The following SPIDR variants were observed in gnomAD, a reference collection of about 807,000 sequenced individuals.
SPIDR encodes scaffold protein involved in DNA repair.
A neutral mutation model predicts 104.6 loss-of-function variants in SPIDR; 93 were observed. The ratio of observed to expected loss-of-function variants is 0.89; its 90% CI spans 0.75 to 1.06. The LOEUF (loss-of-function observed/expected upper bound fraction) is 1.06, where lower values mean the gene tolerates loss of function less well. SPIDR is among the 50% of genes least tolerant of loss of function. The pLI is 0.00. For missense variants in SPIDR, 1,154 were observed against 1,111.2 expected, an observed-to-expected ratio of 1.04 and a Z score of -0.55; for synonymous variants, 431 against 416.9, an observed-to-expected ratio of 1.03 and a Z score of -0.41.
chr8:47,604,048 C>T (rs1253290336), intron 10 of SPIDR, among the ~76,000 whole-genome samples: 4 of 152,130 alleles, frequency 2.6e-5, no homozygotes, highest in African/African-American at 9.7e-5. Flanking sequence ...CTCTGTGCTC[C>T]TGGAGCATAG....
intron 19 of SPIDR, among the ~76,000 whole-genome samples, chr8:47,735,084 ATGGGTGTG>A (rs1173994552): frequency 1.3e-5 from 2 of 148,844 alleles, no homozygotes; most frequent in African/African-American, 2.5e-5. Flanking sequence ...GCTAAAATAA[ATGGGTGTG>A]TGGGTGTGTG....
chr8:47,508,870 C>T (rs1482300401), intron 8 of SPIDR, among the ~76,000 whole-genome samples: 1 of 152,132 alleles, frequency 6.6e-6, no homozygotes, highest in African/African-American at 2.4e-5. Flanking sequence ...AAAGTAGCTG[C>T]ACATCCTTTG....
intron 16 of SPIDR, among the ~76,000 whole-genome samples, chr8:47,720,023 T>TC (rs1229403334): frequency 1.3e-5 from 2 of 152,204 alleles, no homozygotes; most frequent in Admixed American, 6.5e-5. Context: ...CATCCCTCCC[T>TC]CCCCACTGAC....
chr8:47,700,278 C>T, intron 11 of SPIDR, 125 bp from the exon 12 acceptor site: 1 of 994,698 alleles, frequency 1.0e-6, no homozygotes, highest in Non-Finnish European at 1.6e-6. Context: ...TGAATCGCCA[C>T]ACATCTCGAA....
intron 10 of SPIDR, among the ~76,000 whole-genome samples, chr8:47,645,177 A>C (rs1417738177): frequency 6.6e-6 from 1 of 152,206 alleles, no homozygotes; most frequent in African/African-American, 2.4e-5. Flanking sequence ...GAGGTACAAG[A>C]ATAGGAACAG....
chr8:47,485,848 A>G (rs1476049309), intron 8 of SPIDR, among the ~76,000 whole-genome samples: 1 of 152,158 alleles, frequency 6.6e-6, no homozygotes, highest in Non-Finnish European at 1.5e-5. Flanking sequence ...AACCCCATCT[A>G]TACATCATCA....
intron 11 of SPIDR, among the ~76,000 whole-genome samples, chr8:47,679,333 G>T (rs1307223259): frequency 6.6e-6 from 1 of 152,202 alleles, no homozygotes. Context: ...TCATACAAGG[G>T]CTGCTCTCCA....
intron 8 of SPIDR, among the ~76,000 whole-genome samples, chr8:47,563,037 CTTTTTTT>C (rs75347314): frequency 7.4e-6 from 1 of 134,884 alleles, no homozygotes; most frequent in East Asian, 2.1e-4. Context: ...ACTCTTTTCT[CTTTTTTT>C]TTTTTTTTTG....
At chr8:47,595,626 G>C (rs376870814) in intron 8 of SPIDR, among the ~76,000 whole-genome samples, 185 bp from the exon 9 acceptor site, 3 of 152,208 alleles carry the variant, frequency 2.0e-5, no homozygotes, top group Admixed American at 6.5e-5. Context: ...GCTTTCACTA[G>C]AACAGTGAAG....
intron 8 of SPIDR, among the ~76,000 whole-genome samples, chr8:47,595,124 A>G (rs568335292): frequency 5.3e-5 from 8 of 152,110 alleles, no homozygotes; most frequent in Non-Finnish European, 1.2e-4. Flanking sequence ...TCTTATGTTT[A>G]CTTTACATAT....
chr8:47,371,900 C>G lies in SPIDR; in HGVS notation c.526-24476C>G, dbSNP rs531655509. On this transcript the variant is annotated intron_variant, in intron 5 of 19. Coordinates refer to ENST00000297423, the MANE Select transcript of SPIDR (RefSeq NM_001080394.4). Reference sequence around the variant, plus strand: ...GCCTAACCGCTCATATTATTTGTCCCCTGGTTCTGCCGTATTGACTACATG... The same window carrying G: ...GCCTAACCGCTCATATTATTTGTCCGCTGGTTCTGCCGTATTGACTACATG... 3.3e-5 allele frequency among the ~76,000 whole-genome samples: 5 copies of G among 152,244 alleles called. No homozygotes were observed. In the East Asian group the frequency reaches 9.7e-4, roughly 29 times the overall value.
chr8:47,538,860 T>TC (rs2087495259), intron 8 of SPIDR, among the ~76,000 whole-genome samples: 1 of 139,266 alleles, frequency 7.2e-6, no homozygotes, highest in African/African-American at 2.7e-5. Context: ...TTCTTTTCTT[T>TC]TTTTTTTTTT....
chr8:47,715,777 C>T (rs2082490426), intron 16 of SPIDR, among the ~76,000 whole-genome samples: 2 of 152,262 alleles, frequency 1.3e-5, no homozygotes, highest in Admixed American at 1.3e-4. Flanking sequence ...TTTTTGGCTA[C>T]TACGAATAAA....
At chr8:47,676,504 A>G (rs943922779) in intron 11 of SPIDR, among the ~76,000 whole-genome samples, 1 of 142,414 alleles carries the variant, frequency 7.0e-6, no homozygotes, top group Admixed American at 7.4e-5. Context: ...CCCAGTAAAC[A>G]CAACATTCTC....
intron 10 of SPIDR, among the ~76,000 whole-genome samples, chr8:47,672,446 C>T (rs533921459): frequency 6.6e-6 from 1 of 152,334 alleles, no homozygotes; most frequent in African/African-American, 2.4e-5. Flanking sequence ...TCTCACTTCT[C>T]AAGCTATATT....
At chr8:47,626,823 A>C (rs2066205576) in intron 10 of SPIDR, among the ~76,000 whole-genome samples, 1 of 152,180 alleles carries the variant, frequency 6.6e-6, no homozygotes, top group Admixed American at 6.5e-5. Context: ...TGTGGAAGTC[A>C]GTGTGGCGAT....
At chr8:47,561,556 T>A (rs2057079916) in intron 8 of SPIDR, among the ~76,000 whole-genome samples, 1 of 152,238 alleles carries the variant, frequency 6.6e-6, no homozygotes. Context: ...CAGTCTCTGA[T>A]CAACTGACTT....
At position 47,728,994 on chromosome 8, in the gene SPIDR, C is replaced by G. The variant is rs769333369; in HGVS notation, c.2497C>G (p.Leu833Val). The change falls in exon 18 of 20, where the codon CTG becomes GTG. Residue 833 changes from leucine to valine, a missense_variant. Transcript: ENST00000297423. ...VVTSPVLKRH[L>V]QVFLDCRSRP... is the part of the protein sequence containing the mutation. ...CACATCTCCTGTTCTCAAGAGGCAC[C>G]TGCAGGTCTTCCTGGACTGCCGCTC... 12 of 1,613,870 alleles carry G rather than the reference C, an allele frequency of 7.4e-6. No individual in the cohort carries two copies. The highest frequency in any genetic ancestry group is 5.0e-5 in the Admixed American group (3 of 60,008).
chr8:47,396,426 T>C lies in SPIDR; in HGVS notation c.576T>C (p.Asp192=), dbSNP rs1554658441. 1.2e-6 allele frequency: 2 copies of C among 1,613,460 alleles called. No individual in the cohort carries two copies. The highest frequency in any genetic ancestry group is 3.3e-5 in the Admixed American group (2 of 59,994). The change falls in exon 6 of 20, where the codon GAT becomes GAC. Residue 192 remains aspartate (D), a synonymous_variant. Coordinates refer to ENST00000297423, the MANE Select transcript of SPIDR (RefSeq NM_001080394.4). ...LEYSSDSEKE[D]DLENVLLIDS... ...ATTCATCAGATAGTGAAAAAGAAGA[T>C]GATTTGGAAAATGTCCTACTCATTG...
Sources: allele counts gnomAD v4.1 joint callset (sites outside exome capture counted in the v4.1 genomes callset), GRCh38; gene constraint gnomAD v4.1.1; transcripts MANE v1.5; gene names NCBI Gene and HGNC (gene_info 2026-07-23, HGNC 2026-07-21).